THUMPD3: variants seen among roughly 807,000 people sequenced by gnomAD.
THUMPD3 encodes tRNA (guanine(6)-N(2))-methyltransferase THUMP3.
In THUMPD3, 44 loss-of-function variants were observed where a neutral mutation model predicts 54.5. The observed-to-expected ratio is 0.81, with a 90% CI of 0.63 to 1.04. THUMPD3 has a LOEUF of 1.04. THUMPD3 is among the 50% of genes least tolerant of loss of function. THUMPD3 has a pLI of 0.00. For synonymous variants in THUMPD3, 196 were observed against 201.4 expected (o/e 0.97, Z 0.23); for missense variants, 604 against 601.3 (o/e 1.00, Z -0.05).
Position 9,371,166 on chromosome 3 carries a change from G to T in THUMPD3, c.437G>T (p.Arg146Leu), listed in dbSNP as rs758934629. 6 of 1,611,904 alleles carry T rather than the reference G, an allele frequency of 3.7e-6. No homozygotes were observed. Among genetic ancestry groups the T allele is most frequent in the Non-Finnish European group, 5.1e-6 (6 of 1,179,578 alleles). The change falls in exon 4 of 10, where the codon CGC (arginine) becomes CTC (leucine). Residue 146 changes from arginine (R) to leucine (L), a missense_variant. Arg to Leu is a moderately radical substitution (Grantham distance 102). Transcript: ENST00000452837. ...NASFKKKKAKRKKINQNSSKE... is the reference protein window; with the variant it reads ...NASFKKKKAKLKKINQNSSKE... The stretch of plus-strand genomic sequence containing the variant: ...AGTTTTAAAAAGAAAAAAGCAAAGC[G>T]CAAAAAGATAAATCAGAATTCAAGT...
rs112834718 is a variant in THUMPD3 at position 9,380,538 on chromosome 3, T to C, written c.1044T>C (p.Ala348=). Residue 348 remains alanine (A), a synonymous_variant, in exon 7 of 10, where the codon GCT becomes GCC. Transcript: ENST00000452837. ...ATEWSDCFHI[A]GDNNPLAVNR... ...AATGGTCTGACTGTTTCCATATTGC[T>C]GGTGATAATAATCCACTGGCTGTGA... 1.2e-6 allele frequency: 2 copies of C among 1,613,568 alleles called. No individual in the cohort carries two copies. The highest frequency in any genetic ancestry group is 2.2e-5 in the South Asian group (2 of 91,038).
Position 9,371,359 on chromosome 3 carries a change from T to C in THUMPD3, c.630T>C (p.Asp210=). 1 of 1,614,162 alleles carries C rather than the reference T, an allele frequency of 6.2e-7. No homozygotes were observed. The highest frequency in any genetic ancestry group is 1.3e-5 in the African/African-American group (1 of 75,044). ...GTGATGATTTGGCATCTTGCAAAGA[T>C]GAGACTGATGAAAGCTCAAAAGAAG... ...LIGDDLASCK[D]ETDESSKEET... The change falls in exon 4 of 10, where the codon GAT becomes GAC. Residue 210 remains aspartate (D), a synonymous_variant. Transcript: ENST00000452837.
At chr3:9,370,964 C>A (rs2031988979) in intron 3 of THUMPD3, 96 bp from the exon 4 acceptor site, 1 of 1,032,132 alleles carries the variant, frequency 9.7e-7, no homozygotes, top group African/African-American at 1.6e-5. Context: ...AACCAGTGTC[C>A]CCCACGGATA....
At chr3:9,383,852 CT>C (rs2033114455) in intron 8 of THUMPD3, among the ~76,000 whole-genome samples, 1 of 152,294 alleles carries the variant, frequency 6.6e-6, no homozygotes, top group East Asian at 1.9e-4. Flanking sequence ...AAACTCCTGA[CT>C]TCAGGTGATC....
chr3:9,366,858 G>C lies in THUMPD3; in HGVS notation c.253-50G>C, dbSNP rs764997445. ...TTAAATACTTAATTGTTGATAGCTT[G>C]TGCTGTTCAAAAGCTTTCTCAGAAA... is the stretch of plus-strand genomic sequence containing the variant. On this transcript the variant is annotated intron_variant, in intron 2 of 9. Transcript: ENST00000452837. 8.5e-6 allele frequency: 12 copies of C among 1,417,012 alleles called. No individual in the cohort carries two copies. In the Middle Eastern group the frequency reaches 5.4e-4, roughly 64 times the overall value. 87.8% of individuals were successfully genotyped at this position (1,417,012 alleles called of 1,614,324 possible). A position where few individuals can be genotyped will look rare whatever the true frequency, so the allele number is the denominator to read the frequency against.
chr3:9,368,143 C>G (rs1373917237), intron 3 of THUMPD3, among the ~76,000 whole-genome samples: 7 of 152,102 alleles, frequency 4.6e-5, no homozygotes, highest in Non-Finnish European at 1.0e-4. Flanking sequence ...TAAAGCAATT[C>G]TAATGAGTTC....
At chr3:9,371,621 T>G in intron 4 of THUMPD3, 85 bp downstream of exon 4, 1 of 1,159,634 alleles carries the variant, frequency 8.6e-7, no homozygotes, top group Non-Finnish European at 1.2e-6. Flanking sequence ...TTATGCACAA[T>G]TAAACTGAGG....
chr3:9,381,196 A>C (rs1317970885), intron 7 of THUMPD3, among the ~76,000 whole-genome samples: 1 of 152,192 alleles, frequency 6.6e-6, no homozygotes, highest in Non-Finnish European at 1.5e-5. Context: ...AGCCTTCCAA[A>C]TTGCTGGGAT....
Position 9,384,617 on chromosome 3 carries a change from A to C in THUMPD3, c.1453A>C (p.Thr485Pro). ...LRAAVYVLIR[T>P]PQAFVHPSEQ... The stretch of plus-strand genomic sequence containing the variant: ...TGCTGCAGTTTACGTTCTGATACGT[A>C]CACCTCAAGCTTTTGTTCATCCTTC... Residue 485 changes from threonine (T) to proline (P), a missense_variant, in exon 10 of 10, where the codon ACA (threonine) becomes CCA (proline). Thr to Pro is a conservative substitution (Grantham distance 38). Transcript: ENST00000452837. The C allele has an allele frequency of 1.2e-6, 2 of 1,614,222 alleles. No homozygotes were observed. The highest frequency in any genetic ancestry group is 1.7e-6 in the Non-Finnish European group (2 of 1,180,046).
rs112228654 is a variant in THUMPD3, at chr3:9,376,132, G to A, written c.938+1486G>A. Among the ~76,000 whole-genome samples the A allele has an allele frequency of 4.7e-3, 711 of 152,262 alleles. 8 individuals are homozygous for A. Among genetic ancestry groups the A allele is most frequent in the African/African-American group, 0.017 (688 of 41,540 alleles). On this transcript the variant is annotated intron_variant, in intron 5 of 9. Transcript: ENST00000452837. ...GGATACAGAGAGGGTGTTATTTTGG[G>A]TGCAAATATTTAAAACCTAAGTAAT...
chr3:9,384,435 C>T, intron 9 of THUMPD3, 89 bp from the exon 10 acceptor site: 1 of 1,600,594 alleles, frequency 6.2e-7, no homozygotes, highest in South Asian at 1.1e-5. Context: ...TTCTCTTCCC[C>T]TGAGGTTTCC....
At chr3:9,381,063 C>G (rs1218145901) in intron 7 of THUMPD3, among the ~76,000 whole-genome samples, 1 of 152,150 alleles carries the variant, frequency 6.6e-6, no homozygotes, top group Non-Finnish European at 1.5e-5. Flanking sequence ...TCCCTAGTAG[C>G]TAGGAATACA....
chr3:9,371,366 G>C lies in THUMPD3; in HGVS notation c.637G>C (p.Asp213His). 1 of 1,614,178 alleles carries C rather than the reference G, an allele frequency of 6.2e-7. No individual in the cohort carries two copies. The highest frequency in any genetic ancestry group is 1.1e-5 in the South Asian group (1 of 91,088). ...TTTGGCATCTTGCAAAGATGAGACTGATGAAAGCTCAAAAGAAGAAACTGA... is the reference window on the plus strand; with the variant it reads ...TTTGGCATCTTGCAAAGATGAGACTCATGAAAGCTCAAAAGAAGAAACTGA... ...DDLASCKDET[D>H]ESSKEETEPQ... The change falls in exon 4 of 10, where the codon GAT becomes CAT. Residue 213 changes from aspartate to histidine, a missense_variant. Physicochemically the swap from Asp to His is moderately conservative, Grantham distance 81. Coordinates refer to ENST00000452837, the MANE Select transcript of THUMPD3 (RefSeq NM_001114092.2).
At chr3:9,377,461 C>A (rs1027103743) in intron 5 of THUMPD3, among the ~76,000 whole-genome samples, 2 of 152,112 alleles carry the variant, frequency 1.3e-5, no homozygotes, top group African/African-American at 4.8e-5. Flanking sequence ...GCAATCCCCG[C>A]CTTCTGGGTT....
rs1184735240 is a variant in THUMPD3, at chr3:9,365,108, G to A, written c.40G>A (p.Val14Met). 1 of 1,614,212 alleles carries A rather than the reference G, an allele frequency of 6.2e-7. No individual in the cohort carries two copies. The highest frequency in any genetic ancestry group is 8.5e-7 in the Non-Finnish European group (1 of 1,180,038). ...AGAAGCCACTAACCAACTCCTAGAT[G>A]TGAACCTTCATGAGAACCAGAAGTC... ...IEEATNQLLD[V>M]NLHENQKSVQ... The change falls in exon 2 of 10, where the codon GTG (valine) becomes ATG (methionine). Residue 14 changes from valine to methionine, a missense_variant. Physicochemically the swap from Val to Met is conservative, Grantham distance 21. Transcript: ENST00000452837.
intron 3 of THUMPD3, among the ~76,000 whole-genome samples, chr3:9,368,011 G>A (rs964807336): frequency 6.6e-6 from 1 of 151,966 alleles, no homozygotes; most frequent in Non-Finnish European, 1.5e-5. Context: ...CTGGCAGTGA[G>A]CAGAGATCAC....
intron 7 of THUMPD3, 82 bp from the exon 8 acceptor site, chr3:9,383,117 C>A: frequency 1.2e-6 from 1 of 842,790 alleles, no homozygotes; most frequent in Non-Finnish European, 2.0e-6. Flanking sequence ...TTTGCTGTAG[C>A]AGTCTCTCTT....
Position 9,384,809 on chromosome 3 carries a change from A to G in THUMPD3, c.*121A>G. ...TCTTTAAACCTGTTTAAGGCTCTTC[A>G]TCCTGGTTAGCAAAAGGTGTGAATG... On this transcript the variant is annotated 3_prime_UTR_variant, in exon 10 of 10. Transcript: ENST00000452837. 3 of 1,158,322 alleles carry G rather than the reference A, an allele frequency of 2.6e-6. No homozygotes were observed. Among genetic ancestry groups the G allele is most frequent in the Non-Finnish European group, 3.6e-6 (3 of 822,980 alleles). 71.8% of individuals were successfully genotyped at this position (1,158,322 alleles called of 1,614,324 possible).
At chr3:9,363,714 G>A (rs1278725045) in intron 1 of THUMPD3, 1 of 151,592 alleles carries the variant, frequency 6.6e-6, no homozygotes, top group Non-Finnish European at 1.5e-5. Flanking sequence ...GCCCATCTAT[G>A]GATCCCAGAG....
Sources: gnomAD v4.1 joint callset for allele counts (sites outside exome capture counted in the v4.1 genomes callset) on GRCh38, gnomAD v4.1.1 for gene constraint, MANE v1.5 for transcripts, NCBI Gene and HGNC (gene_info 2026-07-23, HGNC 2026-07-21) for gene names.